Variants in DLG2 observed in about 807,000 individuals in gnomAD.
DLG2 encodes disks large homolog 2.
DLG2 carries 45 observed loss-of-function variants against 132.5 expected under a neutral mutation model. The ratio of observed to expected loss-of-function variants is 0.34; its 90% CI spans 0.27 to 0.44. The LOEUF (loss-of-function observed/expected upper bound fraction) is 0.44. Ranked by LOEUF, DLG2 falls within the 20% of genes least tolerant of loss-of-function variation. The pLI is 1.00. For synonymous variants in DLG2, 424 were observed against 419.6 expected, an observed-to-expected ratio of 1.01 and a Z score of -0.13; for missense variants, 1,045 against 1,196.9, an observed-to-expected ratio of 0.87 and a Z score of 1.87.
At position 85,122,845 on chromosome 11, in the gene DLG2, C is replaced by T. The variant is rs149997610; in HGVS notation, c.283-11110G>A. Among the ~76,000 whole-genome samples, 1,325 of 148,540 alleles carry T rather than the reference C, an allele frequency of 8.9e-3. 22 individuals are homozygous for T. Among genetic ancestry groups the T allele is most frequent in the African/African-American group, 0.031 (1,250 of 40,158 alleles). ...AATTATATATATATATACACACACA[C>T]ACATAAATGCACACACATATACACA... On this transcript the variant is annotated intron_variant, in intron 5 of 27. Transcript: ENST00000376104.
At chr11:85,397,239 G>C (rs1454874534) in intron 3 of DLG2, among the ~76,000 whole-genome samples, 1 of 152,184 alleles carries the variant, frequency 6.6e-6, no homozygotes, top group Non-Finnish European at 1.5e-5. Context: ...GAGAGATTTT[G>C]TCACCACCAG....
chr11:84,052,577 C>T (rs2096410920), intron 11 of DLG2, among the ~76,000 whole-genome samples: 1 of 147,074 alleles, frequency 6.8e-6, no homozygotes, highest in Non-Finnish European at 1.5e-5. Context: ...GACATGCAGC[C>T]AACAAACATA....
At chr11:85,018,098 A>C (rs1167990739) in intron 6 of DLG2, among the ~76,000 whole-genome samples, 1 of 152,196 alleles carries the variant, frequency 6.6e-6, no homozygotes, top group African/African-American at 2.4e-5. Flanking sequence ...GGATAAGCAA[A>C]TAGAAATTAA....
intron 4 of DLG2, among the ~76,000 whole-genome samples, chr11:85,257,987 G>C (rs1474284243): frequency 1.3e-5 from 2 of 152,098 alleles, no homozygotes; most frequent in Non-Finnish European, 2.9e-5. Flanking sequence ...TATAGAAGAA[G>C]AGCTCTTATA....
At chr11:85,079,466 G>A (rs1055514883) in intron 6 of DLG2, among the ~76,000 whole-genome samples, 1 of 149,758 alleles carries the variant, frequency 6.7e-6, no homozygotes, top group Non-Finnish European at 1.5e-5. Flanking sequence ...CAATTCAGTT[G>A]GTTGGGGGAG....
chr11:84,233,528 T>A (rs2097122064), intron 8 of DLG2, among the ~76,000 whole-genome samples: 1 of 152,134 alleles, frequency 6.6e-6, no homozygotes, highest in Admixed American at 6.5e-5. Context: ...TGCTACCACA[T>A]GTACAGGAAC....
chr11:85,070,709 A>G (rs1281432948), intron 6 of DLG2, among the ~76,000 whole-genome samples: 1 of 151,838 alleles, frequency 6.6e-6, no homozygotes, highest in Non-Finnish European at 1.5e-5. Context: ...ACTGTGCTAT[A>G]TATAATCACT....
At chr11:84,113,563 A>G (rs541468648) in intron 9 of DLG2, among the ~76,000 whole-genome samples, 2 of 152,304 alleles carry the variant, frequency 1.3e-5, no homozygotes, top group South Asian at 4.1e-4. Context: ...CTTTGTATTC[A>G]CCACCAATGA....
intron 3 of DLG2, among the ~76,000 whole-genome samples, chr11:85,525,227 T>C (rs977344617): frequency 4.6e-5 from 7 of 152,160 alleles, no homozygotes; most frequent in Non-Finnish European, 8.8e-5. Context: ...TACAACACAA[T>C]TTTTTTAGTA....
chr11:83,562,198 A>G (rs2096623306), intron 19 of DLG2, among the ~76,000 whole-genome samples: 1 of 151,912 alleles, frequency 6.6e-6, no homozygotes, highest in African/African-American at 2.4e-5. Flanking sequence ...TAGTATTCCT[A>G]TTCTGTAGAT....
intron 10 of DLG2, among the ~76,000 whole-genome samples, chr11:84,091,774 A>T (rs2097097233): frequency 6.6e-6 from 1 of 152,194 alleles, no homozygotes; most frequent in South Asian, 2.1e-4. Flanking sequence ...GGCTGCATGC[A>T]CTGATGTGTC....
intron 18 of DLG2, among the ~76,000 whole-genome samples, chr11:83,736,304 TA>T (rs1481817956): frequency 3.9e-5 from 6 of 152,120 alleles, no homozygotes; most frequent in African/African-American, 1.2e-4. Flanking sequence ...AGTGTCCTCA[TA>T]GGGGAAAAGG....
chr11:84,189,452 T>C (rs67735822), intron 8 of DLG2, among the ~76,000 whole-genome samples: 7,773 of 152,216 alleles, frequency 0.051, 239 homozygotes, highest in Middle Eastern at 0.061. Context: ...TACCATTTGG[T>C]CCAGCAATCC....
chr11:83,578,165 C>A (rs748532134), intron 19 of DLG2, among the ~76,000 whole-genome samples: 1 of 149,584 alleles, frequency 6.7e-6, no homozygotes, highest in Non-Finnish European at 1.5e-5. Flanking sequence ...GGTTCTAATG[C>A]GGTACATGAA....
intron 7 of DLG2, among the ~76,000 whole-genome samples, chr11:84,461,813 T>C (rs967395419): frequency 2.0e-5 from 3 of 150,792 alleles, no homozygotes; most frequent in Admixed American, 6.6e-5. Context: ...CTGTGGTAGA[T>C]AGAGCAATTA....
At chr11:85,593,586 A>T (rs1297376735) in intron 3 of DLG2, among the ~76,000 whole-genome samples, 2 of 152,234 alleles carry the variant, frequency 1.3e-5, no homozygotes, top group Non-Finnish European at 2.9e-5. Context: ...ATAAACTAAA[A>T]GAATAATAAA....
intron 2 of DLG2, among the ~76,000 whole-genome samples, chr11:85,604,746 G>A (rs1201876376): frequency 2.6e-5 from 4 of 152,070 alleles, no homozygotes; most frequent in Non-Finnish European, 5.9e-5. Context: ...TGCAACCAAG[G>A]GATAGTGAAT....
intron 4 of DLG2, among the ~76,000 whole-genome samples, chr11:85,227,727 A>G (rs569013750): frequency 1.4e-4 from 21 of 152,090 alleles, no homozygotes; most frequent in Non-Finnish European, 3.1e-4. Context: ...ATTCAGAGAA[A>G]AATCCAAGTC....
intron 18 of DLG2, among the ~76,000 whole-genome samples, chr11:83,653,932 C>G (rs1421596130): frequency 6.6e-6 from 1 of 152,070 alleles, no homozygotes; most frequent in Non-Finnish European, 1.5e-5. Flanking sequence ...GTTGGCCATG[C>G]TCGTCTCAAA....
Sources: allele counts gnomAD v4.1 joint callset (sites outside exome capture counted in the v4.1 genomes callset), GRCh38; gene constraint gnomAD v4.1.1; transcripts MANE v1.5; gene names NCBI Gene and HGNC (gene_info 2026-07-23, HGNC 2026-07-21).